VRK2: variants seen among roughly 807,000 people sequenced by gnomAD.
The protein encoded by VRK2 is serine/threonine-protein kinase VRK2.
VRK2 carries 60 observed loss-of-function variants against 57.6 expected under a neutral mutation model. That is an observed-to-expected ratio of 1.04 (90% CI 0.85 to 1.29). The LOEUF is 1.29. Ranked by LOEUF, VRK2 falls within the 50% of genes most tolerant of loss-of-function variation. VRK2 has a pLI of 0.00. For synonymous variants in VRK2, 231 were observed against 199.2 expected, an observed-to-expected ratio of 1.16 and a Z score of -1.35; for missense variants, 705 against 588.1, an observed-to-expected ratio of 1.20 and a Z score of -2.06.
chr2:58,019,849 C>T (rs1673696394), intron 1 of VRK2, among the ~76,000 whole-genome samples: 1 of 152,126 alleles, frequency 6.6e-6, no homozygotes, highest in South Asian at 2.1e-4. Flanking sequence ...AACTAGAAAA[C>T]TATAAACTTT....
At chr2:57,942,181 T>C (rs1314249628) in intron 1 of VRK2, among the ~76,000 whole-genome samples, 1 of 152,208 alleles carries the variant, frequency 6.6e-6, no homozygotes, top group African/African-American at 2.4e-5. Context: ...GGTTTCCTAG[T>C]TTTTAATAAA....
At chr2:58,078,599 T>G (rs894614397) in intron 2 of VRK2, among the ~76,000 whole-genome samples, 1 of 152,130 alleles carries the variant, frequency 6.6e-6, no homozygotes, top group Admixed American at 6.6e-5. Context: ...ATGGGGTAAT[T>G]TTATGATCCC....
chr2:57,975,091 A>AT (rs907397860), intron 1 of VRK2, among the ~76,000 whole-genome samples: 4 of 152,138 alleles, frequency 2.6e-5, no homozygotes, highest in Admixed American at 6.6e-5. Context: ...CTATAAAATT[A>AT]TTTCATCATA....
intron 1 of VRK2, among the ~76,000 whole-genome samples, chr2:58,009,943 C>T (rs1280589471): frequency 6.6e-6 from 1 of 151,900 alleles, no homozygotes; most frequent in Non-Finnish European, 1.5e-5. Flanking sequence ...TTCCAGTGTC[C>T]AATACTTAAT....
Position 58,106,869 on chromosome 2 carries a change from A to C in VRK2, c.544-16232A>C, listed in dbSNP as rs150284121. 1.4e-4 allele frequency among the ~76,000 whole-genome samples: 22 copies of C among 152,216 alleles called. No individual in the cohort carries two copies. The East Asian group carries it at 3.9e-3, about 27-fold the overall frequency. The stretch of plus-strand genomic sequence containing the variant: ...TGAAAAGTAAGCCAGCACCTCTTTA[A>C]GGTTCTGTTACTTTGTCTACATGGA... On this transcript the variant is annotated intron_variant, in intron 7 of 12. Coordinates refer to ENST00000340157, the MANE Select transcript of VRK2 (RefSeq NM_006296.7).
In VRK2 at chr2:58,053,831, A is replaced by G. The variant is rs114456390; in HGVS notation, c.136+4864A>G. On this transcript the variant is annotated intron_variant, in intron 2 of 12. Coordinates refer to ENST00000340157, the MANE Select transcript of VRK2 (RefSeq NM_006296.7). Reference sequence around the variant, plus strand: ...GTGCCACTGCAATTGTTATTAGGCAATTTTGCAAATGATACTGTGGGAGTG... The same window carrying G: ...GTGCCACTGCAATTGTTATTAGGCAGTTTTGCAAATGATACTGTGGGAGTG... Among the ~76,000 whole-genome samples, 521 of 152,268 alleles carry G rather than the reference A, an allele frequency of 3.4e-3. 8 individuals carry two copies. Among genetic ancestry groups the G allele is most frequent in the African/African-American group, 0.012 (494 of 41,572 alleles).
intron 7 of VRK2, among the ~76,000 whole-genome samples, chr2:58,115,217 T>C (rs939842152): frequency 1.3e-5 from 2 of 151,288 alleles, no homozygotes; most frequent in African/African-American, 4.9e-5. Flanking sequence ...AAGAAGGAAA[T>C]ATGGGGAAAT....
At chr2:58,075,028 G>T (rs1467198813) in intron 2 of VRK2, among the ~76,000 whole-genome samples, 1 of 151,970 alleles carries the variant, frequency 6.6e-6, no homozygotes, top group Non-Finnish European at 1.5e-5. Context: ...TAGTTTTTCA[G>T]TGCTCACCCT....
chr2:57,936,681 T>C (rs2103945848), intron 1 of VRK2, among the ~76,000 whole-genome samples: 1 of 152,258 alleles, frequency 6.6e-6, no homozygotes, highest in South Asian at 2.1e-4. Flanking sequence ...TATTAATTTC[T>C]ATAGTAGAAT....
chr2:58,015,027 T>C (rs987682173), intron 1 of VRK2, among the ~76,000 whole-genome samples: 2 of 152,220 alleles, frequency 1.3e-5, no homozygotes, highest in Non-Finnish European at 2.9e-5. Flanking sequence ...TTTTAAGCTA[T>C]AATTGGTAAT....
upstream of VRK2, among the ~76,000 whole-genome samples, chr2:58,043,770 G>C (rs1469069092): frequency 6.6e-6 from 1 of 152,182 alleles, no homozygotes; most frequent in Non-Finnish European, 1.5e-5. Flanking sequence ...TGGGTTGTAT[G>C]TTAATTATAT....
At chr2:58,122,925 G>A (rs543492737) in intron 7 of VRK2, among the ~76,000 whole-genome samples, 176 bp from the exon 8 acceptor site, 1 of 152,266 alleles carries the variant, frequency 6.6e-6, no homozygotes, top group East Asian at 1.9e-4. Context: ...GATTTAAGTT[G>A]GAAAGTTAGT....
intron 1 of VRK2, among the ~76,000 whole-genome samples, chr2:57,913,113 T>A (rs192504049): frequency 6.6e-6 from 1 of 152,182 alleles, no homozygotes. Flanking sequence ...GTCTATGATA[T>A]TTTTGTTATA....
At position 57,927,957 on chromosome 2, in the gene VRK2, T is replaced by C. The variant is rs1009625762; in HGVS notation, c.-439+20118T>C. Among the ~76,000 whole-genome samples, 5 of 152,180 alleles carry C rather than the reference T, an allele frequency of 3.3e-5. No homozygotes were observed. In the East Asian group the frequency reaches 5.8e-4, roughly 18 times the overall value. The stretch of plus-strand genomic sequence containing the variant: ...TGTTATTTGTTTATTTTCTCTTGCT[T>C]TTAGGATACTTTCTTTATCATAGAT... On this transcript the variant is annotated intron_variant, in intron 1 of 15. Coordinates refer to the VRK2 transcript ENST00000417641.
intron 8 of VRK2, among the ~76,000 whole-genome samples, chr2:58,131,306 C>G (rs17049361): frequency 1.0e-3 from 153 of 150,078 alleles, no homozygotes; most frequent in African/African-American, 3.5e-3. Flanking sequence ...GCAGTTTTGT[C>G]ATATTCTTCC....
intron 3 of VRK2, among the ~76,000 whole-genome samples, chr2:58,038,929 CA>C (rs986117279): frequency 1.3e-5 from 2 of 151,758 alleles, no homozygotes; most frequent in African/African-American, 2.4e-5. Context: ...TGGAATAAAA[CA>C]AAAAAACCCT....
chr2:58,017,683 G>T (rs1673627525), intron 1 of VRK2, among the ~76,000 whole-genome samples: 1 of 151,924 alleles, frequency 6.6e-6, no homozygotes, highest in Admixed American at 6.6e-5. Flanking sequence ...CTTTTTTATG[G>T]GAGATCTTTG....
chr2:58,082,753 G>A (rs1671069708), intron 2 of VRK2, among the ~76,000 whole-genome samples: 2 of 151,782 alleles, frequency 1.3e-5, no homozygotes, highest in Admixed American at 1.3e-4. Flanking sequence ...AGTGCTATAA[G>A]TAAGTTTAGT....
At chr2:57,982,590 G>T (rs184548351) in intron 1 of VRK2, among the ~76,000 whole-genome samples, 1 of 152,286 alleles carries the variant, frequency 6.6e-6, no homozygotes, top group East Asian at 1.9e-4. Flanking sequence ...AGGTTAGGTG[G>T]GGTCTGCTGA....
Sources: gnomAD v4.1 joint callset for allele counts (sites outside exome capture counted in the v4.1 genomes callset) on GRCh38, gnomAD v4.1.1 for gene constraint, MANE v1.5 for transcripts, NCBI Gene and HGNC (gene_info 2026-07-23, HGNC 2026-07-21) for gene names.